Variants in HECW1 observed in about 807,000 individuals in gnomAD.
HECW1 encodes HECT, C2 and WW domain containing E3 ubiquitin protein ligase 1, also known as E3 ubiquitin-protein ligase HECW1.
Under a neutral mutation model 182.3 loss-of-function variants are expected in HECW1, and 61 were observed. The ratio of observed to expected loss-of-function variants is 0.33; its 90% CI spans 0.27 to 0.41. The LOEUF (loss-of-function observed/expected upper bound fraction) is 0.41. Among genes scored for constraint, HECW1 ranks in the 10% least tolerant of loss-of-function variants. The probability of loss-of-function intolerance (pLI) is 1.00; values close to 1 mark genes in which losing one functional copy is unlikely to be tolerated. For missense variants in HECW1, 1,739 were observed against 2,108.9 expected (o/e 0.82, Z 3.44); for synonymous variants, 859 against 832.6 (o/e 1.03, Z -0.55).
intron 5 of HECW1, among the ~76,000 whole-genome samples, chr7:43,328,535 T>C (rs1294675245): frequency 6.6e-6 from 1 of 152,118 alleles, no homozygotes; most frequent in African/African-American, 2.4e-5. Context: ...CGTGTGGCAG[T>C]GGAGGGCCCA....
intron 6 of HECW1, among the ~76,000 whole-genome samples, chr7:43,386,307 C>T (rs532297976): frequency 1.8e-4 from 28 of 152,334 alleles, no homozygotes; most frequent in African/African-American, 6.3e-4. Context: ...ACCACAGAGG[C>T]AGGAAATCTT....
At chr7:43,422,198 CA>C (rs1466490044) in intron 8 of HECW1, among the ~76,000 whole-genome samples, 1 of 152,072 alleles carries the variant, frequency 6.6e-6, no homozygotes, top group Non-Finnish European at 1.5e-5. Flanking sequence ...CCAACCTAAC[CA>C]AAACATTACC....
intron 16 of HECW1, among the ~76,000 whole-genome samples, chr7:43,471,015 A>C (rs2078002395): frequency 6.6e-6 from 1 of 152,258 alleles, no homozygotes; most frequent in South Asian, 2.1e-4. Context: ...AAATAGCAAC[A>C]GTAATGCCTA....
In HECW1 at chr7:43,444,107, A is replaced by G; in HGVS notation, c.1046-111A>G. 1 of 1,098,942 alleles carries G rather than the reference A, an allele frequency of 9.1e-7. No homozygotes were observed. The highest frequency in any genetic ancestry group is 1.3e-6 in the Non-Finnish European group (1 of 777,104). 68.1% of individuals were successfully genotyped at this position (1,098,942 alleles called of 1,614,324 possible). Reference sequence around the variant, plus strand: ...GAGAAACCCTCATCAACCTACATTCAATATCCTAATGTAGAAATCCCTTAG... The same window carrying G: ...GAGAAACCCTCATCAACCTACATTCGATATCCTAATGTAGAAATCCCTTAG... On this transcript the variant is annotated intron_variant, in intron 10 of 29. Coordinates refer to ENST00000395891, the MANE Select transcript of HECW1 (RefSeq NM_015052.5). This position sits in a 1 kb window ranked among gnomAD's most constrained non-coding sequence, Gnocchi z 4.3.
At chr7:43,411,209 A>C (rs1051476474) in intron 8 of HECW1, among the ~76,000 whole-genome samples, 2 of 152,126 alleles carry the variant, frequency 1.3e-5, no homozygotes, top group African/African-American at 4.8e-5. Flanking sequence ...CATTCCGTCA[A>C]AAATATTTCT....
intron 2 of HECW1, among the ~76,000 whole-genome samples, chr7:43,207,341 C>T (rs1179430865): frequency 6.6e-6 from 1 of 152,168 alleles, no homozygotes; most frequent in Admixed American, 6.5e-5. Context: ...CCACCGCACG[C>T]CGCCTAAAAT....
chr7:43,456,267 T>G, intron 12 of HECW1, 30 bp from the exon 13 acceptor site: 1 of 1,549,556 alleles, frequency 6.5e-7, no homozygotes, highest in Admixed American at 1.9e-5. Context: ...TGTCCTTGAT[T>G]TTTCTTTTTG....
intron 2 of HECW1, among the ~76,000 whole-genome samples, chr7:43,128,808 A>G (rs1271620162): frequency 1.3e-5 from 2 of 152,206 alleles, no homozygotes; most frequent in Admixed American, 6.5e-5. Flanking sequence ...CAGAATATCA[A>G]CATTAACAGG....
intron 2 of HECW1, among the ~76,000 whole-genome samples, chr7:43,203,345 G>A (rs1328885376): frequency 2.0e-5 from 3 of 152,046 alleles, no homozygotes; most frequent in Admixed American, 6.6e-5. Flanking sequence ...ATATGGCAGC[G>A]AACATCCCAT....
At chr7:43,265,368 A>G (rs1350755585) in intron 3 of HECW1, among the ~76,000 whole-genome samples, 1 of 152,184 alleles carries the variant, frequency 6.6e-6, no homozygotes, top group Non-Finnish European at 1.5e-5. Context: ...CGGGCCAGGA[A>G]GTGTCATCCT....
intron 7 of HECW1, among the ~76,000 whole-genome samples, chr7:43,397,136 C>CT (rs2075258120): frequency 6.6e-6 from 1 of 152,180 alleles, no homozygotes. Context: ...GGCTGCAGTT[C>CT]TACCTTTCCC....
At chr7:43,538,712 A>T (rs964468455) in intron 24 of HECW1, among the ~76,000 whole-genome samples, 13 of 152,158 alleles carry the variant, frequency 8.5e-5, no homozygotes, top group African/African-American at 3.1e-4. Flanking sequence ...GATGACCAAA[A>T]CCATAAAATA....
At position 43,504,187 on chromosome 7, in the gene HECW1, A is replaced by G. The variant is rs539426340; in HGVS notation, c.3631+2865A>G. Among the ~76,000 whole-genome samples, 16 of 152,324 alleles carry G rather than the reference A, an allele frequency of 1.1e-4. No individual in the cohort carries two copies. In the South Asian group the frequency reaches 3.1e-3, roughly 30 times the overall value. The stretch of plus-strand genomic sequence containing the variant: ...CCTCCTGGATGACTTCAACATCGAC[A>G]GGGACCCTCATTCCGTTCCCTGGCT... On this transcript the variant is annotated intron_variant, in intron 21 of 29. Transcript: ENST00000395891.
intron 8 of HECW1, among the ~76,000 whole-genome samples, chr7:43,412,470 T>C (rs2075836182): frequency 6.7e-6 from 1 of 149,978 alleles, no homozygotes; most frequent in African/African-American, 2.5e-5. Context: ...TTAATTATTA[T>C]ACTTTAAGTT....
At chr7:43,540,116 A>G (rs1417519832) in intron 24 of HECW1, among the ~76,000 whole-genome samples, 1 of 152,166 alleles carries the variant, frequency 6.6e-6, no homozygotes, top group Non-Finnish European at 1.5e-5. Context: ...TTATAAATAT[A>G]TTTATTCTGT....
At chr7:43,480,925 G>A (rs1388052900) in intron 17 of HECW1, among the ~76,000 whole-genome samples, 3 of 152,154 alleles carry the variant, frequency 2.0e-5, no homozygotes, top group African/African-American at 7.2e-5. Context: ...AAGGAGTCCT[G>A]TGTATACTCT....
At chr7:43,144,904 A>G (rs1020610828) in intron 2 of HECW1, among the ~76,000 whole-genome samples, 1 of 152,176 alleles carries the variant, frequency 6.6e-6, no homozygotes, top group Non-Finnish European at 1.5e-5. Context: ...AAATCTATCA[A>G]CCTTTTACAT....
chr7:43,310,831 C>G (rs1808412285), intron 3 of HECW1, among the ~76,000 whole-genome samples: 1 of 152,196 alleles, frequency 6.6e-6, no homozygotes, highest in African/African-American at 2.4e-5. Context: ...CCTTAATCTT[C>G]TCTTCTTGAA....
chr7:43,226,242 A>T (rs964950342), intron 2 of HECW1, among the ~76,000 whole-genome samples: 5 of 152,234 alleles, frequency 3.3e-5, no homozygotes, highest in Non-Finnish European at 5.9e-5. Flanking sequence ...TTTTGATAAA[A>T]GTTCAAATGT....
Sources: allele counts gnomAD v4.1 joint callset (sites outside exome capture counted in the v4.1 genomes callset), GRCh38; gene constraint gnomAD v4.1.1; non-coding constraint Gnocchi (gnomAD v3.1); transcripts MANE v1.5; gene names NCBI Gene and HGNC (gene_info 2026-07-23, HGNC 2026-07-21).